KIF26B: variants seen among roughly 807,000 people sequenced by gnomAD.
KIF26B encodes the protein kinesin-like protein KIF26B.
KIF26B carries 63 observed loss-of-function variants against 151.2 expected under a neutral mutation model. That is an observed-to-expected ratio of 0.42 (90% CI 0.34 to 0.51). KIF26B has a LOEUF of 0.51. Among genes scored for constraint, KIF26B ranks in the 20% least tolerant of loss-of-function variants. The pLI is 0.07. For missense variants in KIF26B, 2,813 were observed against 2,913.6 expected (o/e 0.97, Z 0.79); for synonymous variants, 1,357 against 1,262.1 (o/e 1.08, Z -1.59).
rs116759707 is a variant in KIF26B, at chr1:245,207,625, C to T, written c.465+50942C>T. Among the ~76,000 whole-genome samples the T allele has an allele frequency of 2.0e-3, 308 of 152,196 alleles. 3 individuals are homozygous for T. Among genetic ancestry groups the T allele is most frequent in the African/African-American group, 6.6e-3 (275 of 41,522 alleles). On this transcript the variant is annotated intron_variant, in intron 2 of 14. Coordinates refer to ENST00000407071, the MANE Select transcript of KIF26B (RefSeq NM_018012.4). ...CGGTGGGAGAGTTGTTTACTGGACC[C>T]GGAAGAAACATGATAGAATTTCTGG...
At chr1:245,543,786 A>G (rs1050580386) in intron 5 of KIF26B, among the ~76,000 whole-genome samples, 4 of 152,152 alleles carry the variant, frequency 2.6e-5, no homozygotes, top group South Asian at 2.1e-4. Flanking sequence ...CGTCTCTACT[A>G]AAAATACAAA....
intron 4 of KIF26B, among the ~76,000 whole-genome samples, chr1:245,422,830 G>A (rs1414565442): frequency 6.6e-6 from 1 of 152,154 alleles, no homozygotes; most frequent in East Asian, 1.9e-4. Flanking sequence ...TGGGCATGGT[G>A]GCTCACGCCT....
At chr1:245,620,938 C>T (rs190390174) in intron 9 of KIF26B, among the ~76,000 whole-genome samples, 5 of 152,314 alleles carry the variant, frequency 3.3e-5, no homozygotes, top group East Asian at 1.9e-4. Context: ...CCACTAACCA[C>T]GAGCCCTCAG....
intron 10 of KIF26B, among the ~76,000 whole-genome samples, chr1:245,654,701 G>A (rs1342556057): frequency 2.0e-5 from 3 of 152,186 alleles, no homozygotes; most frequent in Non-Finnish European, 4.4e-5. Flanking sequence ...AAGGGTGACC[G>A]TTTCCCACAG....
chr1:245,504,810 C>A (rs1442101079), intron 4 of KIF26B, among the ~76,000 whole-genome samples: 2 of 151,968 alleles, frequency 1.3e-5, no homozygotes, highest in Non-Finnish European at 2.9e-5. Context: ...TCTGTCTCCT[C>A]GTAGAAAGCA....
chr1:245,471,153 A>G (rs1659905378), intron 4 of KIF26B, among the ~76,000 whole-genome samples: 1 of 151,206 alleles, frequency 6.6e-6, no homozygotes, highest in Admixed American at 6.6e-5. Flanking sequence ...ATATTTGAGA[A>G]GGAGTTTTGC....
rs199829174 is a variant in KIF26B, at chr1:245,365,136, AG to A, written c.466-1694del. On this transcript the variant is annotated intron_variant, in intron 2 of 14. Coordinates refer to ENST00000407071, the MANE Select transcript of KIF26B (RefSeq NM_018012.4). ...ACGCTCTGTTCTGGAACAGCCCCTAAGGGGCCGTTTCAGGTCCTGCTACACG... is the reference window on the plus strand; with the variant it reads ...ACGCTCTGTTCTGGAACAGCCCCTAAGGGCCGTTTCAGGTCCTGCTACACG... Among the ~76,000 whole-genome samples, 1,168 of 152,278 alleles carry A rather than the reference AG, an allele frequency of 7.7e-3. 18 individuals carry two copies. The highest frequency in any genetic ancestry group is 0.027 in the African/African-American group (1,118 of 41,556).
At chr1:245,156,058 A>C (rs546880477) in intron 1 of KIF26B, among the ~76,000 whole-genome samples, 1 of 152,048 alleles carries the variant, frequency 6.6e-6, no homozygotes, top group Admixed American at 6.5e-5. Context: ...CCCCAGGAGG[A>C]GGCCACCGGG....
chr1:245,353,285 A>G (rs1172024809), intron 2 of KIF26B, among the ~76,000 whole-genome samples: 1 of 152,034 alleles, frequency 6.6e-6, no homozygotes, highest in Non-Finnish European at 1.5e-5. Flanking sequence ...GTTGTGGTTG[A>G]GGTGGTGTGG....
At chr1:245,663,286 TTTC>T (rs2044177413) in intron 10 of KIF26B, among the ~76,000 whole-genome samples, 1 of 152,106 alleles carries the variant, frequency 6.6e-6, no homozygotes, top group African/African-American at 2.4e-5. Flanking sequence ...CCATTTTTTT[TTTC>T]TTATAGTTTG....
chr1:245,470,667 T>C (rs905145130), intron 4 of KIF26B, among the ~76,000 whole-genome samples: 29 of 152,092 alleles, frequency 1.9e-4, no homozygotes, highest in African/African-American at 5.8e-4. Flanking sequence ...CCTGACCTTG[T>C]GATCTGCCCG....
chr1:245,662,758 T>TAC lies in KIF26B; in HGVS notation c.2258+16494_2258+16495dup, dbSNP rs1553301916. On this transcript the variant is annotated intron_variant, in intron 10 of 14. Transcript: ENST00000407071. ...ATGCATATATACCCAATGATATATA[T>TAC]ACACACACACACACACATGCATGCC... 1.7e-4 allele frequency among the ~76,000 whole-genome samples: 17 copies of TAC among 100,492 alleles called. No homozygotes were observed. In the South Asian group the frequency reaches 1.8e-3, roughly 11 times the overall value. The allele number at this position is 100,492 out of a possible 152,430, so 65.9% of individuals were successfully genotyped here. A position where few individuals can be genotyped will look rare whatever the true frequency, so the allele number is the denominator to read the frequency against.
intron 7 of KIF26B, among the ~76,000 whole-genome samples, chr1:245,608,188 A>G (rs2043478051): frequency 6.6e-6 from 1 of 152,214 alleles, no homozygotes; most frequent in South Asian, 2.1e-4. Context: ...TGGAGAAAGC[A>G]GTGCACACCG....
At chr1:245,665,456 C>T (rs2044202072) in intron 10 of KIF26B, among the ~76,000 whole-genome samples, 1 of 152,156 alleles carries the variant, frequency 6.6e-6, no homozygotes, top group African/African-American at 2.4e-5. Context: ...TCAAATCCAA[C>T]TTGACAGGCA....
At chr1:245,178,243 A>C (rs1668844052) in intron 2 of KIF26B, among the ~76,000 whole-genome samples, 1 of 152,134 alleles carries the variant, frequency 6.6e-6, no homozygotes, top group African/African-American at 2.4e-5. Context: ...CTGTGCTAGG[A>C]GTTCTAGAGC....
chr1:245,685,433 GCTC>G lies in KIF26B; in HGVS notation c.2453_2455del (p.Ser818del). The G allele has an allele frequency of 6.2e-7, 1 of 1,613,036 alleles. No homozygotes were observed. The highest frequency in any genetic ancestry group is 1.3e-5 in the African/African-American group (1 of 75,054). On this transcript the variant is annotated inframe_deletion, in exon 12 of 15. Coordinates refer to ENST00000407071, the MANE Select transcript of KIF26B (RefSeq NM_018012.4). Reference sequence around the variant, plus strand: ...ACATCCAGCTCGTCCGGCGGGGAGAGCTCCTGCGAAGAAGGCCGCATGCGCAGG... The same window carrying G: ...ACATCCAGCTCGTCCGGCGGGGAGAGCTGCGAAGAAGGCCGCATGCGCAGG...
intron 4 of KIF26B, among the ~76,000 whole-genome samples, chr1:245,455,372 C>T (rs891226257): frequency 2.6e-5 from 4 of 152,072 alleles, no homozygotes; most frequent in African/African-American, 9.7e-5. Context: ...GGGATGGTTA[C>T]ACGTGCCTAT....
intron 5 of KIF26B, among the ~76,000 whole-genome samples, chr1:245,571,776 C>G (rs1442958955): frequency 6.6e-6 from 1 of 152,088 alleles, no homozygotes; most frequent in African/African-American, 2.4e-5. Flanking sequence ...TCCACAGATT[C>G]TTTTGTGAGC....
At chr1:245,494,385 T>C (rs1487640846) in intron 4 of KIF26B, among the ~76,000 whole-genome samples, 2 of 152,138 alleles carry the variant, frequency 1.3e-5, no homozygotes, top group African/African-American at 4.8e-5. Flanking sequence ...CCCACTGGGA[T>C]CCTTGAAGAA....
Sources: gnomAD v4.1 joint callset for allele counts (sites outside exome capture counted in the v4.1 genomes callset) on GRCh38, gnomAD v4.1.1 for gene constraint, MANE v1.5 for transcripts, NCBI Gene and HGNC (gene_info 2026-07-23, HGNC 2026-07-21) for gene names.